The following DENND1A variants were observed in gnomAD, a reference collection of about 807,000 sequenced individuals.
DENND1A encodes DENN domain-containing protein 1A.
A neutral mutation model predicts 113.7 loss-of-function variants in DENND1A; 51 were observed. That is an observed-to-expected ratio of 0.45 (90% CI 0.36 to 0.57). DENND1A has a LOEUF of 0.57. DENND1A is among the 20% of genes least tolerant of loss of function. The pLI is 0.00. For synonymous variants in DENND1A, 565 were observed against 570.8 expected (o/e 0.99, Z 0.14); for missense variants, 1,258 against 1,395.9 (o/e 0.90, Z 1.57).
intron 10 of DENND1A, among the ~76,000 whole-genome samples, chr9:123,620,213 C>CAAAAAAAAAAAAAA (rs34196587): frequency 6.8e-5 from 4 of 59,036 alleles, no homozygotes; most frequent in African/African-American, 1.1e-4. Context: ...GACTCCATCT[C>CAAAAAAAAAAAAAA]AAAAAAAAAA....
At chr9:123,928,903 T>G (rs1200900500) in intron 1 of DENND1A, 2 of 985,354 alleles carry the variant, frequency 2.0e-6, no homozygotes, top group African/African-American at 3.5e-5. Context: ...GAAAAGCCTA[T>G]GCTGTCAACT....
chr9:123,819,781 G>A (rs542297395), intron 2 of DENND1A, among the ~76,000 whole-genome samples: 13 of 152,286 alleles, frequency 8.5e-5, no homozygotes, highest in African/African-American at 3.1e-4. Flanking sequence ...CAGGTGATCA[G>A]CCAGCCTCGG....
chr9:123,705,570 C>T (rs534086531), intron 5 of DENND1A, among the ~76,000 whole-genome samples: 1 of 151,956 alleles, frequency 6.6e-6, no homozygotes, highest in East Asian at 1.9e-4. Flanking sequence ...ATTTATAGAA[C>T]CCGTAAAAAC....
At chr9:123,640,053 A>T (rs2061945530) in intron 9 of DENND1A, among the ~76,000 whole-genome samples, 1 of 152,188 alleles carries the variant, frequency 6.6e-6, no homozygotes, top group African/African-American at 2.4e-5. Flanking sequence ...CTGTGCTCTT[A>T]GCCCCCATGA....
chr9:123,420,264 G>A (rs974471592), intron 19 of DENND1A, among the ~76,000 whole-genome samples: 3 of 152,182 alleles, frequency 2.0e-5, no homozygotes, highest in Admixed American at 6.5e-5. Context: ...TATTATGATT[G>A]CCGCTCTGTA....
chr9:123,849,662 A>G (rs918096596), intron 2 of DENND1A, among the ~76,000 whole-genome samples: 8 of 152,228 alleles, frequency 5.3e-5, no homozygotes, highest in Non-Finnish European at 8.8e-5. Context: ...AGAAATACAT[A>G]AGGCTATAGC....
intron 10 of DENND1A, among the ~76,000 whole-genome samples, chr9:123,617,956 G>C (rs535778433): frequency 6.6e-6 from 1 of 152,226 alleles, no homozygotes; most frequent in East Asian, 1.9e-4. Context: ...TAGCGCAACT[G>C]ATAATAAAAG....
intron 2 of DENND1A, among the ~76,000 whole-genome samples, chr9:123,803,782 C>T (rs1036939661): frequency 2.6e-5 from 4 of 152,302 alleles, no homozygotes; most frequent in African/African-American, 9.6e-5. Context: ...CATTTCTCTC[C>T]TTTTCTTTGT....
chr9:123,658,167 A>ACTG (rs1043602951), intron 8 of DENND1A, among the ~76,000 whole-genome samples: 1 of 152,132 alleles, frequency 6.6e-6, no homozygotes, highest in Non-Finnish European at 1.5e-5. Context: ...GTCCATTCTA[A>ACTG]CTGCTTTCCT....
intron 18 of DENND1A, among the ~76,000 whole-genome samples, chr9:123,448,115 C>T (rs765353660): frequency 1.3e-5 from 2 of 152,106 alleles, no homozygotes; most frequent in Admixed American, 6.5e-5. Flanking sequence ...AATGTACTGA[C>T]GCTCTCTATA....
chr9:123,820,691 A>T (rs771935246), intron 2 of DENND1A, among the ~76,000 whole-genome samples: 23 of 152,132 alleles, frequency 1.5e-4, no homozygotes, highest in Admixed American at 1.5e-3. Context: ...TAAAAATTAA[A>T]TTTTTTTATT....
chr9:123,635,642 CAAACACAG>C (rs1564856589), intron 9 of DENND1A, among the ~76,000 whole-genome samples: 1 of 152,174 alleles, frequency 6.6e-6, no homozygotes, highest in African/African-American at 2.4e-5. Flanking sequence ...ATTTTTAAAA[CAAACACAG>C]ATCTGATCAT....
intron 4 of DENND1A, among the ~76,000 whole-genome samples, chr9:123,766,486 C>G (rs922251131): frequency 2.6e-5 from 4 of 152,186 alleles, no homozygotes; most frequent in African/African-American, 9.7e-5. Flanking sequence ...ATAAATGAGA[C>G]AGTGATGTGG....
At chr9:123,654,660 T>C (rs2062838824) in intron 8 of DENND1A, among the ~76,000 whole-genome samples, 1 of 152,232 alleles carries the variant, frequency 6.6e-6, no homozygotes, top group Admixed American at 6.5e-5. Context: ...ATACGTAACA[T>C]TTAGCCAAAT....
At chr9:123,469,730 T>C (rs1242918126) in intron 13 of DENND1A, among the ~76,000 whole-genome samples, 1 of 152,222 alleles carries the variant, frequency 6.6e-6, no homozygotes, top group Non-Finnish European at 1.5e-5. Context: ...TGCTGAGCCC[T>C]AAACCAGCAC....
intron 10 of DENND1A, among the ~76,000 whole-genome samples, chr9:123,625,789 C>T (rs1166756053): frequency 6.6e-6 from 1 of 152,142 alleles, no homozygotes; most frequent in East Asian, 1.9e-4. Context: ...ATTATACTAC[C>T]ACTTGGCAGA....
intron 5 of DENND1A, among the ~76,000 whole-genome samples, chr9:123,686,840 G>A (rs925975010): frequency 1.3e-5 from 2 of 152,026 alleles, no homozygotes; most frequent in African/African-American, 4.8e-5. Flanking sequence ...TGCTTATGGT[G>A]ACAATTAAGG....
Position 123,382,292 on chromosome 9 carries a change from G to T in DENND1A, c.2353C>A (p.Leu785Ile), listed in dbSNP as rs2042317023. ...CCAAGTGCGGCGCCGGCAGCCTGGA[G>T]CTTGGCCGGGCGGGGAATGGGCGGT... ...PPPPIPRPAK[L>I]QAAGAALGDV... Residue 785 changes from leucine to isoleucine, a missense_variant, in exon 24 of 24, where the codon CTC (leucine) becomes ATC (isoleucine). By Grantham distance (5) the Leu-to-Ile change is conservative. Coordinates refer to ENST00000394215, the MANE Select transcript of DENND1A (RefSeq NM_001352964.2). 1 of 1,610,932 alleles carries T rather than the reference G, an allele frequency of 6.2e-7. No homozygotes were observed. Among genetic ancestry groups the T allele is most frequent in the South Asian group, 1.1e-5 (1 of 90,970 alleles).
chr9:123,898,319 G>A (rs932457911), intron 1 of DENND1A, among the ~76,000 whole-genome samples: 3 of 151,878 alleles, frequency 2.0e-5, no homozygotes, highest in East Asian at 3.9e-4. Context: ...CATATAATAT[G>A]ATACATTTTA....
Sources: allele counts gnomAD v4.1 joint callset (sites outside exome capture counted in the v4.1 genomes callset), GRCh38; gene constraint gnomAD v4.1.1; transcripts MANE v1.5; gene names NCBI Gene and HGNC (gene_info 2026-07-23, HGNC 2026-07-21).